The following ARHGEF7 variants were observed in gnomAD, a reference collection of about 807,000 sequenced individuals.
ARHGEF7 encodes Rho guanine nucleotide exchange factor 7, also known as PAK-interacting exchange factor beta.
ARHGEF7 carries 33 observed loss-of-function variants against 109.8 expected under a neutral mutation model. That is an observed-to-expected ratio of 0.30 (90% CI 0.23 to 0.40). The LOEUF is 0.40. ARHGEF7 is among the 10% of genes least tolerant of loss of function. The pLI, the probability that ARHGEF7 is intolerant of heterozygous loss-of-function variation, is 1.00. For synonymous variants in ARHGEF7, 458 were observed against 424.6 expected (o/e 1.08, Z -0.97); for missense variants, 938 against 1,098.5 (o/e 0.85, Z 2.07).
chr13:111,218,309 T>C (rs904616718), intron 5 of ARHGEF7, among the ~76,000 whole-genome samples: 2 of 152,194 alleles, frequency 1.3e-5, no homozygotes, highest in African/African-American at 4.8e-5. Flanking sequence ...GTACTAGTGA[T>C]AGTATTTTAC....
chr13:111,275,458 T>C, intron 11 of ARHGEF7, 74 bp from the exon 12 acceptor site: 1 of 1,516,182 alleles, frequency 6.6e-7, no homozygotes, highest in East Asian at 2.3e-5. Context: ...TTAAGGATGA[T>C]ACAAAGCAAT....
chr13:111,165,383 C>T (rs1476266931), intron 2 of ARHGEF7, among the ~76,000 whole-genome samples: 1 of 152,232 alleles, frequency 6.6e-6, no homozygotes, highest in Non-Finnish European at 1.5e-5. Context: ...CAGTTGGTCT[C>T]ACCCAAGAGT....
At chr13:111,158,250 T>A (rs2076490588) in intron 2 of ARHGEF7, among the ~76,000 whole-genome samples, 1 of 152,212 alleles carries the variant, frequency 6.6e-6, no homozygotes, top group Non-Finnish European at 1.5e-5. Flanking sequence ...AAGAATTGAC[T>A]GTGGGCTCAC....
At chr13:111,153,674 G>T in intron 1 of ARHGEF7, 2 of 1,242,814 alleles carry the variant, frequency 1.6e-6, no homozygotes, top group East Asian at 3.7e-5. Context: ...TCACTTCCTG[G>T]TGCGGGAAGG....
chr13:111,195,954 A>G (rs1241345398), intron 2 of ARHGEF7, among the ~76,000 whole-genome samples: 4 of 152,102 alleles, frequency 2.6e-5, no homozygotes, highest in Non-Finnish European at 5.9e-5. Flanking sequence ...TGCCAGGTTT[A>G]GTAATGCCTC....
At chr13:111,220,841 C>T (rs543791472) in intron 5 of ARHGEF7, among the ~76,000 whole-genome samples, 2 of 151,728 alleles carry the variant, frequency 1.3e-5, no homozygotes, top group Admixed American at 1.3e-4. Context: ...AACGTATGTG[C>T]GTGTACATGG....
At chr13:111,209,053 C>T (rs1253046506) in intron 3 of ARHGEF7, among the ~76,000 whole-genome samples, 1 of 152,130 alleles carries the variant, frequency 6.6e-6, no homozygotes, top group African/African-American at 2.4e-5. Flanking sequence ...ACGTGCAAGC[C>T]AATCCAAACA....
intron 1 of ARHGEF7, 66 bp from the exon 2 acceptor site, chr13:111,153,839 C>T: frequency 6.4e-7 from 1 of 1,556,454 alleles, no homozygotes; most frequent in South Asian, 1.2e-5. Flanking sequence ...GTGGGCGTCG[C>T]TCGGCCTTGT....
At chr13:111,267,305 T>C (rs2153584290) in intron 8 of ARHGEF7, among the ~76,000 whole-genome samples, 1 of 152,258 alleles carries the variant, frequency 6.6e-6, no homozygotes, top group East Asian at 1.9e-4. Context: ...TGAGGGTTGG[T>C]TGGGATGCTG....
chr13:111,259,490 C>G (rs2090850130), intron 8 of ARHGEF7, among the ~76,000 whole-genome samples: 1 of 152,166 alleles, frequency 6.6e-6, no homozygotes, highest in South Asian at 2.1e-4. Context: ...GGATTTTGTT[C>G]AAGAACACCG....
rs575025406 is a variant in ARHGEF7, at chr13:111,210,256, C to T, written c.468+254C>T. ...TATTGCAAGACTCATGACTCGATAT[C>T]TGGAGTGATGCTGCTTTAAAAAAAC... On this transcript the variant is annotated intron_variant, in intron 4 of 21. Coordinates refer to ENST00000646102, the MANE Select transcript of ARHGEF7 (RefSeq NM_001354046.2). Among the ~76,000 whole-genome samples, 146 of 152,318 alleles carry T rather than the reference C, an allele frequency of 9.6e-4. 1 individual carries two copies. Among genetic ancestry groups the T allele is most frequent in the African/African-American group, 3.4e-3 (141 of 41,560 alleles).
At chr13:111,267,898 C>G (rs2091799807) in intron 9 of ARHGEF7, among the ~76,000 whole-genome samples, 1 of 151,608 alleles carries the variant, frequency 6.6e-6, no homozygotes, top group Non-Finnish European at 1.5e-5. Context: ...CAGCCTGAAG[C>G]CCTTTGGCTA....
intron 8 of ARHGEF7, among the ~76,000 whole-genome samples, chr13:111,249,242 G>A (rs1337560601): frequency 6.6e-6 from 1 of 152,114 alleles, no homozygotes; most frequent in Non-Finnish European, 1.5e-5. Context: ...AGTTGAGAAA[G>A]CAGGAGGTGC....
chr13:111,266,917 A>G lies in ARHGEF7; in HGVS notation c.951-631A>G, dbSNP rs149180181. ...GCGTGTACCCCGTTAGGCACACCCAACACTGAGGCGGCACCACCAGGGGCC... is the reference window on the plus strand; with the variant it reads ...GCGTGTACCCCGTTAGGCACACCCAGCACTGAGGCGGCACCACCAGGGGCC... On this transcript the variant is annotated intron_variant, in intron 8 of 21. Coordinates refer to ENST00000646102, the MANE Select transcript of ARHGEF7 (RefSeq NM_001354046.2). This position sits in a 1 kb window ranked among gnomAD's most constrained non-coding sequence, Gnocchi z 4.8. 1,271 of 456,014 alleles carry G rather than the reference A, an allele frequency of 2.8e-3. 15 individuals carry two copies. The highest frequency in any genetic ancestry group is 0.022 in the African/African-American group (1,102 of 50,200). The allele number at this position is 456,014 out of a possible 1,614,324, so 28.2% of individuals were successfully genotyped here.
intron 1 of ARHGEF7, among the ~76,000 whole-genome samples, chr13:111,124,347 G>C (rs1476553841): frequency 2.0e-5 from 3 of 152,256 alleles, no homozygotes; most frequent in African/African-American, 7.2e-5. Flanking sequence ...GTCTCGCCAT[G>C]GGGCAGCCTG....
At chr13:111,203,743 A>G (rs1302910248) in intron 2 of ARHGEF7, among the ~76,000 whole-genome samples, 1 of 152,156 alleles carries the variant, frequency 6.6e-6, no homozygotes, top group African/African-American at 2.4e-5. Flanking sequence ...TCTCATGACT[A>G]TTTTTACTTA....
At position 111,267,531 on chromosome 13, in the gene ARHGEF7, G is replaced by A. The variant is rs2091763523; in HGVS notation, c.951-17G>A. 2 of 1,613,376 alleles carry A rather than the reference G, an allele frequency of 1.2e-6. No individual in the cohort carries two copies. Among genetic ancestry groups the A allele is most frequent in the Non-Finnish European group, 1.7e-6 (2 of 1,179,636 alleles). On this transcript the variant is annotated splice_polypyrimidine_tract_variant and intron_variant, in intron 8 of 21. Coordinates refer to ENST00000646102, the MANE Select transcript of ARHGEF7 (RefSeq NM_001354046.2). ...GTAAAACTGATGACTATTTCCCTTTGTGTCGCATTTCTCCAGGTTGCCCGA... is the reference window on the plus strand; with the variant it reads ...GTAAAACTGATGACTATTTCCCTTTATGTCGCATTTCTCCAGGTTGCCCGA...
chr13:111,176,712 C>A (rs1205011142), intron 2 of ARHGEF7, among the ~76,000 whole-genome samples: 1 of 152,228 alleles, frequency 6.6e-6, no homozygotes, highest in East Asian at 1.9e-4. Context: ...TCAGGCGTGT[C>A]ACATGATCTG....
rs1006297008 is a variant in ARHGEF7, at chr13:111,115,450, G to C, written c.-77G>C. The C allele has an allele frequency of 3.1e-6, 3 of 981,816 alleles. No homozygotes were observed. In the African/African-American group the frequency reaches 5.3e-5, roughly 17 times the overall value. The allele number at this position is 981,816 out of a possible 1,614,324, so 60.8% of individuals were successfully genotyped here. ...CGATGGGCGAGGCGGCGGCGGCGGC[G>C]GCGGGGGCCGCGGGCCGGGCCGCCG... On this transcript the variant is annotated 5_prime_UTR_variant, in exon 1 of 22. Transcript: ENST00000646102.
Sources: gnomAD v4.1 joint callset for allele counts (sites outside exome capture counted in the v4.1 genomes callset) on GRCh38, gnomAD v4.1.1 for gene constraint, Gnocchi (gnomAD v3.1) non-coding constraint, MANE v1.5 for transcripts, NCBI Gene and HGNC (gene_info 2026-07-23, HGNC 2026-07-21) for gene names.